Variants in PCDH15 observed in about 807,000 individuals in gnomAD.
PCDH15 encodes the protein protocadherin related 15.
Under a neutral mutation model 178.5 loss-of-function variants are expected in PCDH15, and 129 were observed. The observed-to-expected ratio is 0.72, with a 90% CI of 0.63 to 0.84. The LOEUF (loss-of-function observed/expected upper bound fraction) is 0.84, where lower values mean the gene tolerates loss of function less well. PCDH15 is among the 40% of genes least tolerant of loss of function. The pLI, the probability that PCDH15 is intolerant of heterozygous loss-of-function variation, is 0.00. For synonymous variants in PCDH15, 800 were observed against 732.0 expected, an observed-to-expected ratio of 1.09 and a Z score of -1.50; for missense variants, 2,230 against 2,099.9, an observed-to-expected ratio of 1.06 and a Z score of -1.21.
chr10:55,493,103 G>A (rs1413616117), intron 2 of PCDH15, among the ~76,000 whole-genome samples: 1 of 151,628 alleles, frequency 6.6e-6, no homozygotes, highest in African/African-American at 2.4e-5. Flanking sequence ...TATAACTAGA[G>A]GAGTACAGGG....
chr10:54,754,611 T>A (rs1039107376), intron 1 of PCDH15, among the ~76,000 whole-genome samples: 2 of 152,128 alleles, frequency 1.3e-5, no homozygotes, highest in Non-Finnish European at 2.9e-5. Flanking sequence ...TGATATAAAG[T>A]ACATCATTTA....
intron 32 of PCDH15, chr10:53,825,041 A>AAGATCACTGTATTTAC: frequency 7.5e-7 from 1 of 1,327,528 alleles, no homozygotes; most frequent in Non-Finnish European, 9.7e-7. Flanking sequence ...GCAAAAGATG[A>AAGATCACTGTATTTAC]AGATCACTGT....
intron 8 of PCDH15, among the ~76,000 whole-genome samples, chr10:54,274,074 G>A (rs1348490140): frequency 6.6e-6 from 1 of 151,978 alleles, no homozygotes; most frequent in Non-Finnish European, 1.5e-5. Flanking sequence ...TCATAAGTAG[G>A]AGCTAAATTA....
intron 2 of PCDH15, among the ~76,000 whole-genome samples, chr10:55,483,913 T>C (rs1451973644): frequency 6.6e-6 from 1 of 150,886 alleles, no homozygotes; most frequent in Non-Finnish European, 1.5e-5. Flanking sequence ...TAAATGTCCA[T>C]CAATGATTGA....
rs79176280 is a variant in PCDH15, at chr10:54,876,801, G to T, written c.-29+20649C>A. Among the ~76,000 whole-genome samples the T allele has an allele frequency of 2.2e-3, 328 of 152,270 alleles. 7 individuals are homozygous for T. The East Asian group carries it at 0.049, about 23-fold the overall frequency. ...GAGATGGAAAATACTCTTGGTGAAG[G>T]TGCTGTGAACATCTTTAAAATTATA... On this transcript the variant is annotated intron_variant, in intron 3 of 5. Coordinates refer to the PCDH15 transcript ENST00000458638.
Position 54,287,434 on chromosome 10 carries a change from CT to C in PCDH15, c.876+29836del, listed in dbSNP as rs572282716. ...TCTTTAAAAATGTGTTTTAAAATGC[CT>C]TTTTTTCTGCAAAACTGAATTCCAG... On this transcript the variant is annotated intron_variant, in intron 8 of 37. Transcript: ENST00000644397. 4.1e-3 allele frequency among the ~76,000 whole-genome samples: 630 copies of C among 152,038 alleles called. 8 individuals are homozygous for C. Among genetic ancestry groups the C allele is most frequent in the African/African-American group, 0.012 (516 of 41,478 alleles).
At chr10:55,412,973 C>T (rs935292728) in intron 2 of PCDH15, among the ~76,000 whole-genome samples, 13 of 151,248 alleles carry the variant, frequency 8.6e-5, no homozygotes, top group Admixed American at 4.0e-4. Context: ...AACAAAACCA[C>T]TAGTTACCCT....
At chr10:53,959,589 A>C (rs1011670284) in intron 23 of PCDH15, 143 bp downstream of exon 23, 2 of 632,266 alleles carry the variant, frequency 3.2e-6, no homozygotes, top group African/African-American at 3.7e-5. Context: ...TAAAAATTTA[A>C]ACTATATTTT....
chr10:54,294,033 G>C (rs2059591974), intron 8 of PCDH15, among the ~76,000 whole-genome samples: 1 of 152,114 alleles, frequency 6.6e-6, no homozygotes, highest in African/African-American at 2.4e-5. Context: ...GTTTATTGCA[G>C]CACTATTCAC....
At chr10:55,581,738 A>G (rs1842619148) in intron 2 of PCDH15, among the ~76,000 whole-genome samples, 1 of 152,184 alleles carries the variant, frequency 6.6e-6, no homozygotes, top group South Asian at 2.1e-4. Flanking sequence ...TGGTATATGG[A>G]CTTCTGCATA....
chr10:55,238,834 A>G (rs866472201), intron 1 of PCDH15, among the ~76,000 whole-genome samples: 1 of 152,144 alleles, frequency 6.6e-6, no homozygotes, highest in South Asian at 2.1e-4. Context: ...TGGGGTATCT[A>G]TTGCCTCAAG....
intron 17 of PCDH15, among the ~76,000 whole-genome samples, chr10:54,074,264 G>A (rs1411941182): frequency 1.3e-5 from 2 of 152,008 alleles, no homozygotes; most frequent in Non-Finnish European, 2.9e-5. Context: ...ATATTCTTGT[G>A]CAACCATCAT....
At chr10:54,959,918 G>T (rs1389444062) in intron 2 of PCDH15, among the ~76,000 whole-genome samples, 3 of 152,114 alleles carry the variant, frequency 2.0e-5, no homozygotes, top group African/African-American at 7.2e-5. Flanking sequence ...TATCTGGCCA[G>T]GCCAATAGGT....
intron 18 of PCDH15, among the ~76,000 whole-genome samples, chr10:54,037,027 A>G (rs2135477231): frequency 6.6e-6 from 1 of 152,014 alleles, no homozygotes; most frequent in South Asian, 2.1e-4. Context: ...ACATGGTGAG[A>G]ACTAGAATTA....
At chr10:53,817,339 T>C (rs1268198632) in intron 34 of PCDH15, among the ~76,000 whole-genome samples, 2 of 152,124 alleles carry the variant, frequency 1.3e-5, no homozygotes, top group East Asian at 1.9e-4. Flanking sequence ...GTAAGTTCTC[T>C]GCAGACAGAA....
At chr10:55,175,078 A>G (rs1839440757) in intron 1 of PCDH15, among the ~76,000 whole-genome samples, 1 of 152,102 alleles carries the variant, frequency 6.6e-6, no homozygotes, top group Admixed American at 6.6e-5. Context: ...AAAGGGGAAG[A>G]ACCTTATCCA....
chr10:54,389,965 C>T (rs11004272), intron 3 of PCDH15, among the ~76,000 whole-genome samples: 68,139 of 151,750 alleles, frequency 0.45, 17,191 homozygotes, highest in Middle Eastern at 0.59. Flanking sequence ...AATAAAATAG[C>T]CATCCATATC....
At chr10:55,343,137 G>GAGT in intron 2 of PCDH15, among the ~76,000 whole-genome samples, 2 of 152,258 alleles carry the variant, frequency 1.3e-5, no homozygotes, top group Middle Eastern at 6.8e-3. Flanking sequence ...GGGTGGGAGT[G>GAGT]AGTAGAACAT....
chr10:55,254,693 C>G (rs919589133), intron 1 of PCDH15, among the ~76,000 whole-genome samples: 12 of 152,088 alleles, frequency 7.9e-5, no homozygotes, highest in African/African-American at 2.7e-4. Context: ...AATTGTAATT[C>G]CCTAATATCT....
Sources: allele counts gnomAD v4.1 joint callset (sites outside exome capture counted in the v4.1 genomes callset), GRCh38; gene constraint gnomAD v4.1.1; transcripts MANE v1.5; gene names NCBI Gene and HGNC (gene_info 2026-07-23, HGNC 2026-07-21).